GIMAP8: variants seen among roughly 807,000 people sequenced by gnomAD.
GIMAP8 encodes the protein GTPase IMAP family member 8.
In GIMAP8, 29 loss-of-function variants were observed where a neutral mutation model predicts 35.6. The ratio of observed to expected loss-of-function variants is 0.81; its 90% CI spans 0.61 to 1.11. The LOEUF is 1.11. Ranked by LOEUF, GIMAP8 falls within the 50% of genes most tolerant of loss-of-function variation. The pLI is 0.00. For synonymous variants in GIMAP8, 335 were observed against 308.7 expected, an observed-to-expected ratio of 1.09 and a Z score of -0.89; for missense variants, 811 against 805.0, an observed-to-expected ratio of 1.01 and a Z score of -0.09.
At chr7:150,456,901 C>T (rs944786887) in intron 1 of GIMAP8, among the ~76,000 whole-genome samples, 2 of 152,124 alleles carry the variant, frequency 1.3e-5, no homozygotes, top group African/African-American at 4.8e-5. Flanking sequence ...AAGAATATCT[C>T]TTTGATGTCA....
chr7:150,466,298 G>A (rs527565370), intron 1 of GIMAP8, among the ~76,000 whole-genome samples: 2 of 152,284 alleles, frequency 1.3e-5, no homozygotes, highest in South Asian at 4.1e-4. Flanking sequence ...TGATTTAATA[G>A]GTGTAGGTTG....
intron 1 of GIMAP8, among the ~76,000 whole-genome samples, chr7:150,455,069 T>A (rs773463798): frequency 6.9e-6 from 1 of 145,770 alleles, no homozygotes; most frequent in Non-Finnish European, 1.5e-5. Flanking sequence ...ACCCGGGAGA[T>A]AGAGGTTGCA....
intron 1 of GIMAP8, among the ~76,000 whole-genome samples, chr7:150,456,666 G>A (rs544850025): frequency 1.3e-5 from 2 of 152,304 alleles, no homozygotes; most frequent in East Asian, 1.9e-4. Context: ...CACCTTGGGC[G>A]ACCATTCTGT....
At position 150,474,126 on chromosome 7, in the gene GIMAP8, G is replaced by C; in HGVS notation, c.797G>C (p.Ser266Thr). The C allele has an allele frequency of 1.2e-6, 2 of 1,614,210 alleles. No individual in the cohort carries two copies. Among genetic ancestry groups the C allele is most frequent in the Non-Finnish European group, 1.7e-6 (2 of 1,180,044 alleles). The stretch of plus-strand genomic sequence containing the variant: ...GCTGGAAAAAGTGCAGCAGGAAACA[G>C]CATTCTGGGGAGGCAGGCCTTTCAG... ...RGAGKSAAGNSILGRQAFQTG... is the reference protein window; with the variant it reads ...RGAGKSAAGNTILGRQAFQTG... The change falls in exon 4 of 5, where the codon AGC (serine) becomes ACC (threonine). Residue 266 changes from serine to threonine, a missense_variant. Ser to Thr is a moderately conservative substitution (Grantham distance 58). Transcript: ENST00000307271.
At chr7:150,474,713 A>C (rs947736970) in intron 4 of GIMAP8, 75 bp downstream of exon 4, 13 of 995,098 alleles carry the variant, frequency 1.3e-5, no homozygotes, top group Middle Eastern at 3.4e-4. Context: ...AGAACTTTTT[A>C]TTTTCTTTTT....
intron 4 of GIMAP8, among the ~76,000 whole-genome samples, chr7:150,475,124 G>T (rs921345902): frequency 2.6e-5 from 4 of 152,212 alleles, no homozygotes; most frequent in Non-Finnish European, 5.9e-5. Context: ...GCATAGAGAA[G>T]ATAAAAAGGA....
intron 1 of GIMAP8, among the ~76,000 whole-genome samples, chr7:150,458,588 T>G (rs1801778639): frequency 6.6e-6 from 1 of 152,176 alleles, no homozygotes; most frequent in East Asian, 1.9e-4. Flanking sequence ...CCTCACCTTA[T>G]CCATCTGGAA....
intron 1 of GIMAP8, among the ~76,000 whole-genome samples, chr7:150,463,466 T>C (rs1237285022): frequency 6.6e-6 from 1 of 152,246 alleles, no homozygotes; most frequent in African/African-American, 2.4e-5. Flanking sequence ...CAGTTGCTTC[T>C]TTCAATTTTA....
chr7:150,462,189 C>A (rs893013260), intron 1 of GIMAP8, among the ~76,000 whole-genome samples: 1 of 152,190 alleles, frequency 6.6e-6, no homozygotes, highest in Admixed American at 6.5e-5. Context: ...AGAAACAAAT[C>A]ACAATGGTGG....
intron 1 of GIMAP8, among the ~76,000 whole-genome samples, chr7:150,466,188 A>G (rs1486065432): frequency 6.6e-6 from 1 of 152,186 alleles, no homozygotes; most frequent in African/African-American, 2.4e-5. Flanking sequence ...TAGACATTTC[A>G]TTGCATTTTA....
chr7:150,470,308 A>G (rs1475032691), intron 2 of GIMAP8, among the ~76,000 whole-genome samples: 1 of 152,196 alleles, frequency 6.6e-6, no homozygotes, highest in Non-Finnish European at 1.5e-5. Context: ...AATGAAGTCT[A>G]GGAAGTTTCT....
chr7:150,477,693 G>A lies in GIMAP8; in HGVS notation c.1911G>A (p.Gln637=). The A allele has an allele frequency of 6.2e-7, 1 of 1,614,176 alleles. No homozygotes were observed. ...GGTGGTCCGGGTATCCCCATACACA[G>A]GAGAACGTCAGCAAACTAATTAAAA... is the stretch of plus-strand genomic sequence containing the variant. The part of the protein sequence containing the change: ...ESGWSGYPHT[Q]ENVSKLIKNV... Residue 637 remains glutamine, a synonymous_variant, in exon 5 of 5, where the codon CAG becomes CAA. Coordinates refer to ENST00000307271, the MANE Select transcript of GIMAP8 (RefSeq NM_175571.4).
chr7:150,475,355 C>CTCTTT (rs1309860138), intron 4 of GIMAP8, among the ~76,000 whole-genome samples: 1 of 152,182 alleles, frequency 6.6e-6, no homozygotes, highest in Non-Finnish European at 1.5e-5. Context: ...TAACTCTTTT[C>CTCTTT]TCTTTCTTTG....
chr7:150,472,142 C>T lies in GIMAP8; in HGVS notation c.682+1268C>T, dbSNP rs1022285233. On this transcript the variant is annotated intron_variant, in intron 3 of 4. Coordinates refer to ENST00000307271, the MANE Select transcript of GIMAP8 (RefSeq NM_175571.4). This position sits in a 1 kb window ranked among gnomAD's most constrained non-coding sequence, Gnocchi z 4.1. ...TTATTGACCTGTGGCTGTGAGGGCCCAGCACACCATGGGGAGTCACAGGGC... is the reference window on the plus strand; with the variant it reads ...TTATTGACCTGTGGCTGTGAGGGCCTAGCACACCATGGGGAGTCACAGGGC... Among the ~76,000 whole-genome samples, 3 of 152,136 alleles carry T rather than the reference C, an allele frequency of 2.0e-5. No individual in the cohort carries two copies. Among genetic ancestry groups the T allele is most frequent in the Non-Finnish European group, 4.4e-5 (3 of 68,036 alleles).
At position 150,466,854 on chromosome 7, in the gene GIMAP8, G is replaced by A. The variant is rs377094452; in HGVS notation, c.156G>A (p.Glu52=). The stretch of plus-strand genomic sequence containing the variant: ...CAGTGATCAAAATGTGCCAGAGAGA[G>A]AGTTGGGTCCTGAGAGAAAGGAAGG... ...DQTVIKMCQR[E]SWVLRERKVV... The change falls in exon 2 of 5, where the codon GAG becomes GAA. Residue 52 remains glutamate, a synonymous_variant. Transcript: ENST00000307271. 19 of 1,614,128 alleles carry A rather than the reference G, an allele frequency of 1.2e-5. No individual in the cohort carries two copies. Among genetic ancestry groups the A allele is most frequent in the Non-Finnish European group, 1.3e-5 (15 of 1,180,056 alleles).
chr7:150,466,553 C>G (rs1383037963), intron 1 of GIMAP8, 118 bp from the exon 2 acceptor site: 2 of 817,502 alleles, frequency 2.4e-6, no homozygotes, highest in Non-Finnish European at 3.8e-6. Context: ...TCTAGAACTT[C>G]AGTAGCTCAA....
intron 1 of GIMAP8, among the ~76,000 whole-genome samples, chr7:150,461,192 A>G (rs1801837426): frequency 6.6e-6 from 1 of 152,262 alleles, no homozygotes; most frequent in Admixed American, 6.5e-5. Context: ...ATAAGAAGAA[A>G]GTGCATTGTG....
At chr7:150,473,388 G>T (rs1802138476) in intron 3 of GIMAP8, among the ~76,000 whole-genome samples, 2 of 151,564 alleles carry the variant, frequency 1.3e-5, no homozygotes, top group African/African-American at 4.9e-5. Context: ...AAGATATAGA[G>T]CATTTCCATC....
intron 1 of GIMAP8, among the ~76,000 whole-genome samples, chr7:150,456,727 A>G (rs1343978535): frequency 1.3e-5 from 2 of 152,222 alleles, no homozygotes; most frequent in African/African-American, 4.8e-5. Flanking sequence ...ATAGTGGGCG[A>G]TGTGTAAAAG....
Sources: gnomAD v4.1 joint callset for allele counts (sites outside exome capture counted in the v4.1 genomes callset) on GRCh38, gnomAD v4.1.1 for gene constraint, Gnocchi (gnomAD v3.1) non-coding constraint, MANE v1.5 for transcripts, NCBI Gene and HGNC (gene_info 2026-07-23, HGNC 2026-07-21) for gene names.